KAT6A: variants seen among roughly 807,000 people sequenced by gnomAD.
The protein encoded by KAT6A is lysine acetyltransferase 6A.
In KAT6A, 9 loss-of-function variants were observed where a neutral mutation model predicts 198.4. The ratio of observed to expected loss-of-function variants is 0.05; its 90% CI spans 0.03 to 0.08. The LOEUF is 0.08. KAT6A is among the 10% of genes least tolerant of loss of function. The pLI, the probability that KAT6A is intolerant of heterozygous loss-of-function variation, is 1.00. For synonymous variants in KAT6A, 890 were observed against 883.0 expected, an observed-to-expected ratio of 1.01 and a Z score of -0.14; for missense variants, 2,077 against 2,509.9, an observed-to-expected ratio of 0.83 and a Z score of 3.69.
chr8:42,004,929 TA>T (rs1438312857), intron 2 of KAT6A, among the ~76,000 whole-genome samples: 283 of 141,490 alleles, frequency 2.0e-3, no homozygotes, highest in Admixed American at 2.2e-3. Flanking sequence ...ACTCCGTCTC[TA>T]AAAAAAAAAA....
rs16890974 is a variant in KAT6A, at chr8:41,966,516, T to C, written c.1482+8188A>G. The stretch of plus-strand genomic sequence containing the variant: ...CGCGGGGACTCCTGTATAGTAGTCA[T>C]TGCTTCCTCAAAGCTGAAGTTAATG... On this transcript the variant is annotated intron_variant, in intron 8 of 16. Transcript: ENST00000265713. Among the ~76,000 whole-genome samples, 8 of 152,104 alleles carry C rather than the reference T, an allele frequency of 5.3e-5. No individual in the cohort carries two copies. The South Asian group carries it at 1.0e-3, about 20-fold the overall frequency.
chr8:42,027,621 T>C lies in KAT6A; in HGVS notation c.600+20757A>G, dbSNP rs1826890107. Among the ~76,000 whole-genome samples, 2 of 152,228 alleles carry C rather than the reference T, an allele frequency of 1.3e-5. 1 individual carries two copies. Among genetic ancestry groups the C allele is most frequent in the South Asian group, 4.1e-4 (2 of 4,836 alleles). ...AGTTGCTGACGATCCTTTGTACTTC[T>C]GTGGTATCAGTTGTAATGTCTCCTT... On this transcript the variant is annotated intron_variant, in intron 2 of 16. Coordinates refer to ENST00000265713, the MANE Select transcript of KAT6A (RefSeq NM_006766.5).
intron 8 of KAT6A, among the ~76,000 whole-genome samples, chr8:41,972,169 T>A (rs1823824467): frequency 6.6e-6 from 1 of 151,700 alleles, no homozygotes; most frequent in Non-Finnish European, 1.5e-5. Context: ...TAAAATAATC[T>A]ATGAGTTTAA....
intron 9 of KAT6A, 117 bp from the exon 10 acceptor site, chr8:41,949,480 A>AT: frequency 1.7e-6 from 1 of 594,456 alleles, no homozygotes; most frequent in Non-Finnish European, 2.6e-6. Flanking sequence ...TAAAAAAAAA[A>AT]CTGCATATGC....
chr8:42,030,793 G>A (rs1473256305), intron 2 of KAT6A, among the ~76,000 whole-genome samples: 1 of 151,912 alleles, frequency 6.6e-6, no homozygotes. Flanking sequence ...GGTCAGGCTG[G>A]ACTTGAACTC....
chr8:41,962,387 T>C (rs1473232100), intron 8 of KAT6A, among the ~76,000 whole-genome samples: 1 of 152,114 alleles, frequency 6.6e-6, no homozygotes, highest in Non-Finnish European at 1.5e-5. Context: ...CTCTTCCTAT[T>C]TCCCCATCTC....
intron 2 of KAT6A, among the ~76,000 whole-genome samples, chr8:42,028,748 C>A (rs542234013): frequency 6.6e-6 from 1 of 152,112 alleles, no homozygotes; most frequent in African/African-American, 2.4e-5. Context: ...GAAGACTTAT[C>A]CTGTATTTTG....
intron 9 of KAT6A, among the ~76,000 whole-genome samples, chr8:41,953,372 T>C (rs558926714): frequency 2.6e-5 from 4 of 152,260 alleles, no homozygotes; most frequent in Admixed American, 6.5e-5. Flanking sequence ...CTTTTCTAAG[T>C]TGAGTGCTCT....
At chr8:42,049,898 A>G (rs1802513934) in intron 1 of KAT6A, among the ~76,000 whole-genome samples, 1 of 152,228 alleles carries the variant, frequency 6.6e-6, no homozygotes, top group African/African-American at 2.4e-5. Context: ...TGGAAACAAA[A>G]ATACTATTGA....
chr8:41,984,670 A>C (rs1824516372), intron 3 of KAT6A, among the ~76,000 whole-genome samples: 1 of 152,146 alleles, frequency 6.6e-6, no homozygotes, highest in Non-Finnish European at 1.5e-5. Context: ...ATTGTTCTAC[A>C]ATTTCTTTAA....
chr8:42,040,558 A>ACC (rs1466953806), intron 2 of KAT6A, among the ~76,000 whole-genome samples: 1 of 151,714 alleles, frequency 6.6e-6, no homozygotes, highest in African/African-American at 2.4e-5. Context: ...ACGTGGCAAA[A>ACC]CCCTGTCTCT....
chr8:42,017,730 A>C (rs1826343586), intron 2 of KAT6A, among the ~76,000 whole-genome samples: 1 of 152,160 alleles, frequency 6.6e-6, no homozygotes, highest in Non-Finnish European at 1.5e-5. Context: ...AGACAATAGA[A>C]ACCCACTCCA....
chr8:41,939,511 C>T (rs1822001862), intron 15 of KAT6A, among the ~76,000 whole-genome samples: 1 of 152,192 alleles, frequency 6.6e-6, no homozygotes, highest in South Asian at 2.1e-4. Flanking sequence ...GCTAGGATTA[C>T]AAGAGTGACC....
At chr8:41,944,277 G>A (rs1435519727) in intron 12 of KAT6A, among the ~76,000 whole-genome samples, 2 of 152,070 alleles carry the variant, frequency 1.3e-5, no homozygotes, top group South Asian at 2.1e-4. Context: ...TTCGTTCAAC[G>A]TCCTGGGGAA....
intron 15 of KAT6A, among the ~76,000 whole-genome samples, chr8:41,939,424 G>A (rs1165878448): frequency 6.6e-6 from 1 of 152,152 alleles, no homozygotes; most frequent in Non-Finnish European, 1.5e-5. Flanking sequence ...TTGGACTACA[G>A]TGGCTATTTA....
At chr8:41,960,017 C>T (rs1180934169) in intron 8 of KAT6A, among the ~76,000 whole-genome samples, 1 of 151,108 alleles carries the variant, frequency 6.6e-6, no homozygotes, top group Admixed American at 6.6e-5. Flanking sequence ...TACATATGAA[C>T]CTTGGGGACA....
chr8:41,978,847 TA>T, intron 5 of KAT6A, 70 bp from the exon 6 acceptor site: 1 of 1,427,760 alleles, frequency 7.0e-7, no homozygotes, highest in Non-Finnish European at 9.7e-7. Context: ...CAGATAGTCT[TA>T]AGTCAGGATC....
rs1416836564 is a variant in KAT6A, at chr8:41,930,483, A to C, written c.*1722T>G. 4.7e-6 allele frequency: 1 copy of C among 211,206 alleles called. No homozygotes were observed. Among genetic ancestry groups the C allele is most frequent in the African/African-American group, 2.3e-5 (1 of 43,982 alleles). 13.1% of individuals were successfully genotyped at this position (211,206 alleles called of 1,614,324 possible). A position where few individuals can be genotyped will look rare whatever the true frequency, so the allele number is the denominator to read the frequency against. On this transcript the variant is annotated 3_prime_UTR_variant, in exon 17 of 17. Transcript: ENST00000265713. ...ATTAAAGTGTATTAAAAAAACCAAC[A>C]AACCTGTGCATTTGAAAAAAGTTAA...
chr8:41,941,472 G>A, intron 14 of KAT6A, 28 bp from the exon 15 acceptor site: 1 of 1,551,922 alleles, frequency 6.4e-7, no homozygotes, highest in Non-Finnish European at 8.6e-7. Flanking sequence ...AACAATGCTG[G>A]TTAATTTTTC....
Sources: gnomAD v4.1 joint callset for allele counts (sites outside exome capture counted in the v4.1 genomes callset) on GRCh38, gnomAD v4.1.1 for gene constraint, MANE v1.5 for transcripts, NCBI Gene and HGNC (gene_info 2026-07-23, HGNC 2026-07-21) for gene names.